Variants in PLD5 observed in about 807,000 individuals in gnomAD.
The protein encoded by PLD5 is phospholipase D family member 5.
In PLD5, 36 loss-of-function variants were observed where a neutral mutation model predicts 61.1. The observed-to-expected ratio is 0.59, with a 90% CI of 0.45 to 0.78. PLD5 has a LOEUF of 0.78. PLD5 is among the 30% of genes least tolerant of loss of function. The pLI, the probability that PLD5 is intolerant of heterozygous loss-of-function variation, is 0.00. For missense variants in PLD5, 515 were observed against 644.4 expected (o/e 0.80, Z 2.17); for synonymous variants, 243 against 242.8 (o/e 1.00, Z -0.01).
Position 242,156,956 on chromosome 1 carries a change from T to C in PLD5, c.736-32291A>G, listed in dbSNP as rs1002602740. Among the ~76,000 whole-genome samples the C allele has an allele frequency of 4.6e-5, 7 of 152,300 alleles. No homozygotes were observed. In the South Asian group the frequency reaches 1.5e-3, roughly 32 times the overall value. On this transcript the variant is annotated intron_variant, in intron 5 of 9. Transcript: ENST00000536534. ...GATAACCTGAAGAGTGTTTTCCAAC[T>C]TGGTTCCATTCTCCCCGTCACTTTC...
At chr1:242,122,687 C>T (rs1662478261) in intron 6 of PLD5, among the ~76,000 whole-genome samples, 1 of 152,178 alleles carries the variant, frequency 6.6e-6, no homozygotes. Context: ...TTGACCTCCT[C>T]CATACAAAAA....
At chr1:242,341,228 C>G (rs1296658707) in intron 2 of PLD5, among the ~76,000 whole-genome samples, 1 of 150,734 alleles carries the variant, frequency 6.6e-6, no homozygotes, top group Non-Finnish European at 1.5e-5. Context: ...TGATTAAAGT[C>G]CACTGGAGCA....
At chr1:242,489,436 G>A (rs1213197946) in intron 1 of PLD5, among the ~76,000 whole-genome samples, 1 of 151,736 alleles carries the variant, frequency 6.6e-6, no homozygotes, top group African/African-American at 2.4e-5. Flanking sequence ...AAAAAGGGAA[G>A]GAGAGACAGA....
At chr1:242,173,466 C>T (rs1666898232) in intron 5 of PLD5, among the ~76,000 whole-genome samples, 1 of 152,116 alleles carries the variant, frequency 6.6e-6, no homozygotes, top group African/African-American at 2.4e-5. Context: ...GTGAAAATGG[C>T]CATACTGCCC....
intron 1 of PLD5, among the ~76,000 whole-genome samples, chr1:242,491,625 T>C (rs971336657): frequency 5.9e-5 from 9 of 152,230 alleles, no homozygotes; most frequent in Non-Finnish European, 1.0e-4. Flanking sequence ...TTTCCAGATA[T>C]CCCATTGTTT....
At chr1:242,128,570 C>T (rs1304517469) in intron 5 of PLD5, among the ~76,000 whole-genome samples, 1 of 152,176 alleles carries the variant, frequency 6.6e-6, no homozygotes, top group Non-Finnish European at 1.5e-5. Context: ...CAAACAAAAA[C>T]AACTATTGCA....
In PLD5 at chr1:242,100,659, G is replaced by C. The variant is rs747764735; in HGVS notation, c.1354+9C>G. The C allele has an allele frequency of 6.2e-7, 1 of 1,607,966 alleles. No individual in the cohort carries two copies. Among genetic ancestry groups the C allele is most frequent in the South Asian group, 1.1e-5 (1 of 90,930 alleles). On this transcript the variant is annotated intron_variant, in intron 9 of 9. Transcript: ENST00000536534. ...CCCACCCAAGGAGCTTCACAGCCCTGACACCTACCAATATAAGCTGCTCCA... is the reference window on the plus strand; with the variant it reads ...CCCACCCAAGGAGCTTCACAGCCCTCACACCTACCAATATAAGCTGCTCCA...
At position 242,294,660 on chromosome 1, in the gene PLD5, G is replaced by C. The variant is rs189670474; in HGVS notation, c.327-6130C>G. On this transcript the variant is annotated intron_variant, in intron 2 of 9. Coordinates refer to ENST00000536534, the MANE Select transcript of PLD5 (RefSeq NM_001372062.1). ...ACAAATTACTAACCTCTTTCAATCT[G>C]TTCCCACTTCTGAGCAGAAAAAAGG... Among the ~76,000 whole-genome samples the C allele has an allele frequency of 1.6e-3, 249 of 152,282 alleles. 2 individuals are homozygous for C. Among genetic ancestry groups the C allele is most frequent in the African/African-American group, 5.9e-3 (245 of 41,558 alleles).
At chr1:242,406,810 G>A (rs1404142168) in intron 1 of PLD5, among the ~76,000 whole-genome samples, 1 of 152,152 alleles carries the variant, frequency 6.6e-6, no homozygotes, top group Non-Finnish European at 1.5e-5. Flanking sequence ...ATACTCAGAA[G>A]GTCGTCCTGG....
intron 6 of PLD5, among the ~76,000 whole-genome samples, chr1:242,114,292 A>T (rs181785104): frequency 7.4e-4 from 112 of 152,310 alleles, no homozygotes; most frequent in African/African-American, 2.4e-3. Flanking sequence ...GTATTAAAAA[A>T]TTTAATTGAT....
At position 242,089,101 on chromosome 1, in the gene PLD5, C is replaced by T. The variant is rs182496882; in HGVS notation, c.*753G>A. 31 of 380,710 alleles carry T rather than the reference C, an allele frequency of 8.1e-5. No homozygotes were observed. In the South Asian group the frequency reaches 2.1e-3, roughly 25 times the overall value. 23.6% of individuals were successfully genotyped at this position (380,710 alleles called of 1,614,324 possible). On this transcript the variant is annotated 3_prime_UTR_variant, in exon 10 of 10. Coordinates refer to ENST00000536534, the MANE Select transcript of PLD5 (RefSeq NM_001372062.1). ...CTGTGATTTTTTTTAAATACCAATTCGGTAGGGGAAAAAAGGATTCAGTTG... is the reference window on the plus strand; with the variant it reads ...CTGTGATTTTTTTTAAATACCAATTTGGTAGGGGAAAAAAGGATTCAGTTG...
intron 1 of PLD5, among the ~76,000 whole-genome samples, chr1:242,472,093 T>C (rs967786301): frequency 6.6e-6 from 1 of 152,164 alleles, no homozygotes; most frequent in African/African-American, 2.4e-5. Context: ...CTTAAAACTG[T>C]GGAAAAAGAA....
At chr1:242,505,795 C>G (rs1471176811) in intron 1 of PLD5, among the ~76,000 whole-genome samples, 1 of 152,236 alleles carries the variant, frequency 6.6e-6, no homozygotes, top group Admixed American at 6.5e-5. Flanking sequence ...ATCATGTCCA[C>G]ATCCACAGAC....
intron 2 of PLD5, among the ~76,000 whole-genome samples, chr1:242,316,482 C>G (rs1235462317): frequency 6.6e-6 from 1 of 152,004 alleles, no homozygotes; most frequent in East Asian, 1.9e-4. Flanking sequence ...ATTTTTGAAA[C>G]CTCTCTTCAA....
At chr1:242,112,323 GTATGTA>G (rs772470780) in intron 7 of PLD5, among the ~76,000 whole-genome samples, 1 of 80,568 alleles carries the variant, frequency 1.2e-5, no homozygotes, top group Non-Finnish European at 2.2e-5. Flanking sequence ...GTGTGTGTGT[GTATGTA>G]TGTATATGTG....
intron 4 of PLD5, among the ~76,000 whole-genome samples, chr1:242,248,243 G>T (rs1672502789): frequency 6.6e-6 from 1 of 152,196 alleles, no homozygotes; most frequent in African/African-American, 2.4e-5. Context: ...CAGCAATCAT[G>T]TTGTAACTCC....
intron 1 of PLD5, among the ~76,000 whole-genome samples, chr1:242,412,566 C>T (rs909992018): frequency 4.6e-5 from 7 of 152,278 alleles, no homozygotes; most frequent in South Asian, 4.1e-4. Context: ...TATATGAAAT[C>T]GTACAGTACG....
At chr1:242,311,148 G>A (rs545640861) in intron 2 of PLD5, among the ~76,000 whole-genome samples, 3 of 152,034 alleles carry the variant, frequency 2.0e-5, no homozygotes, top group South Asian at 4.2e-4. Flanking sequence ...AAACAAAAAC[G>A]CCAAGTAACC....
chr1:242,294,777 G>A (rs904313739), intron 2 of PLD5, among the ~76,000 whole-genome samples: 1 of 152,302 alleles, frequency 6.6e-6, no homozygotes, highest in East Asian at 1.9e-4. Flanking sequence ...ATTTTTTAAA[G>A]TAACTTAGTC....
Sources: gnomAD v4.1 joint callset for allele counts (sites outside exome capture counted in the v4.1 genomes callset) on GRCh38, gnomAD v4.1.1 for gene constraint, MANE v1.5 for transcripts, NCBI Gene and HGNC (gene_info 2026-07-23, HGNC 2026-07-21) for gene names.